Variants in ITFG1 observed in about 807,000 individuals in gnomAD.
ITFG1 encodes T-cell immunomodulatory protein.
ITFG1 carries 34 observed loss-of-function variants against 81.8 expected under a neutral mutation model. The observed-to-expected ratio is 0.42, with a 90% confidence interval of 0.32 to 0.55. The LOEUF (loss-of-function observed/expected upper bound fraction) is 0.55. ITFG1 is among the 20% of genes least tolerant of loss of function. The probability of loss-of-function intolerance (pLI) is 0.17; values close to 1 mark genes in which losing one functional copy is unlikely to be tolerated. For synonymous variants in ITFG1, 285 were observed against 270.6 expected, an observed-to-expected ratio of 1.05 and a Z score of -0.52; for missense variants, 672 against 755.4, an observed-to-expected ratio of 0.89 and a Z score of 1.29.
chr16:47,420,628 C>T (rs770582649), intron 6 of ITFG1, among the ~76,000 whole-genome samples: 7 of 152,150 alleles, frequency 4.6e-5, no homozygotes, highest in East Asian at 1.9e-4. Context: ...AAAATATCCT[C>T]GAGATCCTGC....
intron 5 of ITFG1, among the ~76,000 whole-genome samples, chr16:47,434,073 G>C (rs922484624): frequency 4.6e-5 from 7 of 150,920 alleles, no homozygotes; most frequent in Middle Eastern, 3.2e-3. Context: ...ATGGATTAAA[G>C]ACTTAAAATA....
At chr16:47,175,782 A>G (rs1965017603) in intron 14 of ITFG1, among the ~76,000 whole-genome samples, 1 of 152,184 alleles carries the variant, frequency 6.6e-6, no homozygotes, top group Admixed American at 6.5e-5. Context: ...CAGTCTTGCT[A>G]TGTGGCTCAG....
chr16:47,459,535 T>C (rs549365563), intron 1 of ITFG1, among the ~76,000 whole-genome samples: 1 of 152,318 alleles, frequency 6.6e-6, no homozygotes, highest in African/African-American at 2.4e-5. Context: ...AATCTAGCAA[T>C]GCTGTCCCTT....
chr16:47,329,517 G>A (rs747438799), intron 8 of ITFG1, among the ~76,000 whole-genome samples: 1 of 152,090 alleles, frequency 6.6e-6, no homozygotes, highest in African/African-American at 2.4e-5. Flanking sequence ...AGTTATTTAT[G>A]ATTTCTAAGC....
intron 6 of ITFG1, among the ~76,000 whole-genome samples, chr16:47,409,572 C>G (rs1398139815): frequency 6.7e-6 from 1 of 149,314 alleles, no homozygotes; most frequent in Non-Finnish European, 1.5e-5. Context: ...CACACCACCA[C>G]ACCCAGCTAA....
chr16:47,293,176 A>G (rs1395616681), intron 10 of ITFG1, among the ~76,000 whole-genome samples: 1 of 147,588 alleles, frequency 6.8e-6, no homozygotes, highest in African/African-American at 2.5e-5. Context: ...TATATATCAT[A>G]TACAAATGAT....
At chr16:47,294,452 G>A (rs1966953890) in intron 10 of ITFG1, among the ~76,000 whole-genome samples, 1 of 151,980 alleles carries the variant, frequency 6.6e-6, no homozygotes, top group Non-Finnish European at 1.5e-5. Context: ...TGGGCATTAT[G>A]GTCATTTTAA....
intron 13 of ITFG1, among the ~76,000 whole-genome samples, chr16:47,229,477 C>T (rs2151531024): frequency 6.6e-6 from 1 of 152,018 alleles, no homozygotes; most frequent in East Asian, 1.9e-4. Flanking sequence ...AACCAGGGCT[C>T]TATCTCAGGA....
In ITFG1 at chr16:47,313,983, T is replaced by A. The variant is rs1049970121; in HGVS notation, c.803-160A>T. ...ATGAATATGATTTTATTTAAAAAATTACTCTGGCCCTTGCAACTGATTATC... is the reference window on the plus strand; with the variant it reads ...ATGAATATGATTTTATTTAAAAAATAACTCTGGCCCTTGCAACTGATTATC... On this transcript the variant is annotated intron_variant, in intron 8 of 17. Coordinates refer to ENST00000320640, the MANE Select transcript of ITFG1 (RefSeq NM_030790.5). Among the ~76,000 whole-genome samples, 8 of 152,212 alleles carry A rather than the reference T, an allele frequency of 5.3e-5. No individual in the cohort carries two copies. In the East Asian group the frequency reaches 1.5e-3, roughly 29 times the overall value.
chr16:47,403,488 T>C (rs1412795578), intron 6 of ITFG1, among the ~76,000 whole-genome samples: 3 of 152,096 alleles, frequency 2.0e-5, no homozygotes, highest in Non-Finnish European at 4.4e-5. Flanking sequence ...TAAATGCACA[T>C]GTATGTTTTC....
intron 8 of ITFG1, among the ~76,000 whole-genome samples, chr16:47,326,670 T>C (rs1228112666): frequency 3.3e-5 from 5 of 152,200 alleles, no homozygotes; most frequent in East Asian, 1.9e-4. Flanking sequence ...AGCATTCTTA[T>C]ACACCAAAAA....
At chr16:47,388,382 C>T (rs142036102) in intron 6 of ITFG1, among the ~76,000 whole-genome samples, 3 of 152,092 alleles carry the variant, frequency 2.0e-5, no homozygotes, top group African/African-American at 4.8e-5. Context: ...GCAAAGAGAT[C>T]GAGACCCAGA....
intron 16 of ITFG1, 128 bp from the exon 17 acceptor site, chr16:47,159,118 T>TC: frequency 2.3e-6 from 1 of 434,018 alleles, no homozygotes; most frequent in South Asian, 7.3e-5. Context: ...CATTCATTCA[T>TC]CAGTCCATTC....
intron 14 of ITFG1, among the ~76,000 whole-genome samples, chr16:47,167,942 A>G (rs1964913696): frequency 6.6e-6 from 1 of 152,102 alleles, no homozygotes; most frequent in African/African-American, 2.4e-5. Context: ...CGTTCTTTTG[A>G]GTATATATTA....
chr16:47,317,052 T>G (rs1186915887), intron 8 of ITFG1, among the ~76,000 whole-genome samples: 1 of 152,164 alleles, frequency 6.6e-6, no homozygotes. Flanking sequence ...ACAGATGGAA[T>G]AGCATTTTGA....
At chr16:47,414,394 T>C (rs1968848423) in intron 6 of ITFG1, among the ~76,000 whole-genome samples, 1 of 151,940 alleles carries the variant, frequency 6.6e-6, no homozygotes, top group Non-Finnish European at 1.5e-5. Flanking sequence ...GGTGTGGTGA[T>C]GCATGCCTGT....
At chr16:47,411,445 A>C (rs1968809709) in intron 6 of ITFG1, among the ~76,000 whole-genome samples, 1 of 152,130 alleles carries the variant, frequency 6.6e-6, no homozygotes, top group African/African-American at 2.4e-5. Context: ...GTGGTCCCAA[A>C]AACTGTCTTG....
chr16:47,262,102 C>G (rs1211142742), intron 10 of ITFG1, among the ~76,000 whole-genome samples: 1 of 152,100 alleles, frequency 6.6e-6, no homozygotes, highest in East Asian at 1.9e-4. Context: ...GAATAGAAAC[C>G]AATGTACCAA....
chr16:47,392,851 G>A (rs1205414555), intron 6 of ITFG1, among the ~76,000 whole-genome samples: 1 of 152,026 alleles, frequency 6.6e-6, no homozygotes, highest in African/African-American at 2.4e-5. Flanking sequence ...GAGCCCTCTG[G>A]GACAAAATAT....
Sources: gnomAD v4.1 joint callset for allele counts (sites outside exome capture counted in the v4.1 genomes callset) on GRCh38, gnomAD v4.1.1 for gene constraint, MANE v1.5 for transcripts, NCBI Gene and HGNC (gene_info 2026-07-23, HGNC 2026-07-21) for gene names.